ARMC8: variants seen among roughly 807,000 people sequenced by gnomAD.
ARMC8 encodes the protein armadillo repeat containing 8, also known as armadillo repeat-containing protein 8.
In ARMC8, 20 loss-of-function variants were observed where a neutral mutation model predicts 99.3. The ratio of observed to expected loss-of-function variants is 0.20; its 90% CI spans 0.14 to 0.29. The LOEUF (loss-of-function observed/expected upper bound fraction) is 0.29, where lower values mean the gene tolerates loss of function less well. ARMC8 is among the 10% of genes least tolerant of loss of function. ARMC8 has a pLI of 1.00. For synonymous variants in ARMC8, 263 were observed against 278.3 expected (o/e 0.95, Z 0.55); for missense variants, 569 against 809.5 (o/e 0.70, Z 3.60).
intron 12 of ARMC8, chr3:138,245,545 A>T: frequency 9.0e-7 from 1 of 1,115,744 alleles, no homozygotes; most frequent in Non-Finnish European, 1.1e-6. Context: ...AATGTTATTT[A>T]TGGAAATACC....
intron 16 of ARMC8, among the ~76,000 whole-genome samples, chr3:138,270,972 G>A (rs570269881): frequency 6.6e-6 from 1 of 152,138 alleles, no homozygotes; most frequent in African/African-American, 2.4e-5. Flanking sequence ...AAGATATATT[G>A]GTATATATTC....
intron 1 of ARMC8, among the ~76,000 whole-genome samples, chr3:138,203,409 G>A (rs2044187051): frequency 6.6e-6 from 1 of 152,196 alleles, no homozygotes; most frequent in Non-Finnish European, 1.5e-5. Context: ...GTTGCAGTGA[G>A]GGTGTCAGCA....
intron 19 of ARMC8, chr3:138,287,760 C>G (rs1472311011): frequency 2.2e-6 from 1 of 450,446 alleles, no homozygotes; most frequent in Non-Finnish European, 4.5e-6. Flanking sequence ...TATAGTCCTA[C>G]ATGAGAAGAT....
At chr3:138,259,008 C>T (rs952535433) in intron 12 of ARMC8, among the ~76,000 whole-genome samples, 1 of 152,164 alleles carries the variant, frequency 6.6e-6, no homozygotes, top group Non-Finnish European at 1.5e-5. Context: ...CGAGGAGTCT[C>T]CAACAAGAAC....
intron 6 of ARMC8, among the ~76,000 whole-genome samples, chr3:138,234,191 C>T (rs988626939): frequency 6.6e-6 from 1 of 151,924 alleles, no homozygotes; most frequent in Admixed American, 6.6e-5. Flanking sequence ...CTGCAGCCTC[C>T]GCCTCCGCCT....
intron 18 of ARMC8, among the ~76,000 whole-genome samples, chr3:138,281,138 T>C (rs2049869451): frequency 6.6e-6 from 1 of 152,188 alleles, no homozygotes; most frequent in Admixed American, 6.5e-5. Context: ...AACCATAATT[T>C]ACCAGTCTCT....
intron 12 of ARMC8, among the ~76,000 whole-genome samples, chr3:138,263,243 T>A (rs2047929681): frequency 6.6e-6 from 1 of 152,256 alleles, no homozygotes; most frequent in Admixed American, 6.5e-5. Flanking sequence ...CACTTCGTGC[T>A]ATAGTGAAAG....
intron 17 of ARMC8, among the ~76,000 whole-genome samples, chr3:138,273,964 G>A (rs2049023387): frequency 6.6e-6 from 1 of 151,966 alleles, no homozygotes; most frequent in Non-Finnish European, 1.5e-5. Flanking sequence ...TTACAGGCGT[G>A]TACCACCATG....
rs757910378 is a variant in ARMC8 at position 138,241,878 on chromosome 3, T to C, written c.933T>C (p.Asp311=). The C allele has an allele frequency of 3.1e-6, 5 of 1,613,984 alleles. No individual in the cohort carries two copies. The highest frequency in any genetic ancestry group is 4.2e-6 in the Non-Finnish European group (5 of 1,179,984). The change falls in exon 11 of 22, where the codon GAT becomes GAC. Residue 311 remains aspartate (D), a synonymous_variant. Coordinates refer to ENST00000469044, the MANE Select transcript of ARMC8 (RefSeq NM_001363941.2). ...CACTTGCCTATCTGATTGAACCAGA[T>C]GTTGAGCTACAGAGAATCGCTAGCA... ...AETLAYLIEP[D]VELQRIASIT...
intron 18 of ARMC8, among the ~76,000 whole-genome samples, chr3:138,282,218 G>A (rs909194765): frequency 6.6e-6 from 1 of 152,192 alleles, no homozygotes; most frequent in Non-Finnish European, 1.5e-5. Flanking sequence ...AGGTGGGGTT[G>A]TTGTAAAGCT....
Position 138,187,426 on chromosome 3 carries a change from C to G in ARMC8, c.-129C>G. The G allele has an allele frequency of 1.1e-6, 1 of 897,978 alleles. No homozygotes were observed. The highest frequency in any genetic ancestry group is 2.7e-5 in the East Asian group (1 of 37,428). 55.6% of individuals were successfully genotyped at this position (897,978 alleles called of 1,614,324 possible). ...GCCTTTCCGGTACTTGAGCGGTGTC[C>G]AGAGCGTGGCCAGTTCTCGTCTATC... On this transcript the variant is annotated 5_prime_UTR_variant, in exon 1 of 22. Transcript: ENST00000469044.
At chr3:138,219,133 A>T (rs1278618421) in intron 2 of ARMC8, among the ~76,000 whole-genome samples, 1 of 152,170 alleles carries the variant, frequency 6.6e-6, no homozygotes, top group Admixed American at 6.5e-5. Flanking sequence ...TGTAAAATGG[A>T]GTTAATATTA....
chr3:138,218,352 C>T (rs1051661161), intron 2 of ARMC8, among the ~76,000 whole-genome samples: 6 of 152,118 alleles, frequency 3.9e-5, no homozygotes, highest in African/African-American at 1.4e-4. Flanking sequence ...AATATGATTG[C>T]TCCTTAATCC....
At chr3:138,282,543 A>T (rs1177990524) in intron 18 of ARMC8, among the ~76,000 whole-genome samples, 3 of 151,442 alleles carry the variant, frequency 2.0e-5, no homozygotes, top group Non-Finnish European at 4.4e-5. Context: ...TACTTGGGAG[A>T]CTAAGGCAGG....
chr3:138,264,244 T>G (rs1308434981), intron 14 of ARMC8, 32 bp downstream of exon 14: 3 of 1,569,238 alleles, frequency 1.9e-6, no homozygotes. Flanking sequence ...GTAACAGCTG[T>G]ACTCACAGAC....
intron 1 of ARMC8, among the ~76,000 whole-genome samples, chr3:138,201,177 G>T (rs777997106): frequency 2.0e-5 from 3 of 151,246 alleles, no homozygotes; most frequent in Non-Finnish European, 4.4e-5. Flanking sequence ...CTCCCAAAGT[G>T]CTGGGATTAC....
Position 138,295,955 on chromosome 3 carries a change from G to C in ARMC8, c.*63G>C. On this transcript the variant is annotated 3_prime_UTR_variant, in exon 22 of 22. Coordinates refer to ENST00000469044, the MANE Select transcript of ARMC8 (RefSeq NM_001363941.2). ...CTTGTTTAAGGAAGTACAGGAACCAGCCTCATTTGATTCCTTCTATTTGCA... is the reference window on the plus strand; with the variant it reads ...CTTGTTTAAGGAAGTACAGGAACCACCCTCATTTGATTCCTTCTATTTGCA... The C allele has an allele frequency of 1.3e-6, 2 of 1,562,830 alleles. No homozygotes were observed. The highest frequency in any genetic ancestry group is 1.8e-6 in the Non-Finnish European group (2 of 1,141,874).
rs557955510 is a variant in ARMC8, at chr3:138,219,811, C to T, written c.123-2115C>T. Among the ~76,000 whole-genome samples, 4 of 152,278 alleles carry T rather than the reference C, an allele frequency of 2.6e-5. No individual in the cohort carries two copies. In the East Asian group the frequency reaches 7.7e-4, roughly 29 times the overall value. ...CTCTGTTGCCATCAGTTACCTCCTTCATGTCCTTTTTGTAAACTATTAAGA... is the reference window on the plus strand; with the variant it reads ...CTCTGTTGCCATCAGTTACCTCCTTTATGTCCTTTTTGTAAACTATTAAGA... On this transcript the variant is annotated intron_variant, in intron 2 of 21. Transcript: ENST00000469044.
intron 6 of ARMC8, among the ~76,000 whole-genome samples, chr3:138,232,779 G>A (rs945140383): frequency 6.6e-6 from 1 of 152,222 alleles, no homozygotes; most frequent in African/African-American, 2.4e-5. Context: ...CGTATCTGCT[G>A]TATAAAATGT....
Sources: gnomAD v4.1 joint callset for allele counts (sites outside exome capture counted in the v4.1 genomes callset) on GRCh38, gnomAD v4.1.1 for gene constraint, MANE v1.5 for transcripts, NCBI Gene and HGNC (gene_info 2026-07-23, HGNC 2026-07-21) for gene names.